ZBTB10: variants seen among roughly 807,000 people sequenced by gnomAD.
ZBTB10 encodes zinc finger and BTB domain-containing protein 10.
In ZBTB10, 32 loss-of-function variants were observed where a neutral mutation model predicts 76.4. The observed-to-expected ratio is 0.42, with a 90% CI of 0.32 to 0.56. The LOEUF (loss-of-function observed/expected upper bound fraction) is 0.56, where lower values mean the gene tolerates loss of function less well. Among genes scored for constraint, ZBTB10 ranks in the 20% least tolerant of loss-of-function variants. The probability of loss-of-function intolerance (pLI) is 0.14; values close to 1 mark genes in which losing one functional copy is unlikely to be tolerated. For synonymous variants in ZBTB10, 523 were observed against 432.9 expected, an observed-to-expected ratio of 1.21 and a Z score of -2.58; for missense variants, 1,057 against 1,098.5, an observed-to-expected ratio of 0.96 and a Z score of 0.53.
Position 80,500,238 on chromosome 8 carries a change from A to G in ZBTB10, c.1717A>G (p.Lys573Glu). ...CTCCCAGGGAATTCAAGAGACTGGC[A>G]AAACAAGGAGGAAAAACCAAACTAC... Reference protein sequence around the residue: ...MGSQGIQETGKTRRKNQTTKR... With the variant: ...MGSQGIQETGETRRKNQTTKR... The change falls in exon 2 of 6, where the codon AAA (lysine) becomes GAA (glutamate). Residue 573 changes from lysine (K) to glutamate (E), a missense_variant. Around this residue, in one of 5 missense-constraint regions of ZBTB10, gnomAD observed 306 missense variants for 297.5 expected, o/e 1.03. Coordinates refer to ENST00000455036, the MANE Select transcript of ZBTB10 (RefSeq NM_001105539.3). The G allele has an allele frequency of 6.3e-7, 1 of 1,593,254 alleles. No homozygotes were observed. Among genetic ancestry groups the G allele is most frequent in the Non-Finnish European group, 8.6e-7 (1 of 1,168,992 alleles).
At chr8:80,499,204 T>C (rs1034707999) in intron 1 of ZBTB10, among the ~76,000 whole-genome samples, 2 of 152,170 alleles carry the variant, frequency 1.3e-5, no homozygotes, top group African/African-American at 4.8e-5. Flanking sequence ...TTAATTTTAA[T>C]TTTAAGAAAT....
chr8:80,490,921 G>A (rs550474798), intron 1 of ZBTB10, among the ~76,000 whole-genome samples: 4 of 152,326 alleles, frequency 2.6e-5, no homozygotes, highest in South Asian at 2.1e-4. Flanking sequence ...TGGTGATAGC[G>A]TAAAGTTGTA....
intron 2 of ZBTB10, among the ~76,000 whole-genome samples, chr8:80,506,146 T>G (rs1816046178): frequency 6.6e-6 from 1 of 152,012 alleles, no homozygotes; most frequent in Non-Finnish European, 1.5e-5. Context: ...CTTGAGTGTA[T>G]CCCAGACAGC....
intron 2 of ZBTB10, among the ~76,000 whole-genome samples, chr8:80,512,252 C>G (rs181193405): frequency 2.4e-4 from 37 of 152,324 alleles, no homozygotes; most frequent in African/African-American, 8.4e-4. Flanking sequence ...GGCTTTAGCT[C>G]TCTCTATGTA....
rs1380329277 is a variant in ZBTB10, at chr8:80,486,922, T to C, written c.112T>C (p.Trp38Arg). 1 of 1,507,484 alleles carries C rather than the reference T, an allele frequency of 6.6e-7. No individual in the cohort carries two copies. Among genetic ancestry groups the C allele is most frequent in the Non-Finnish European group, 8.8e-7 (1 of 1,132,192 alleles). The allele number at this position is 1,507,484 out of a possible 1,614,324, so 93.4% of individuals were successfully genotyped here. Residue 38 changes from tryptophan (W) to arginine (R), a missense_variant, in exon 1 of 6, where the codon TGG (tryptophan) becomes CGG (arginine). By Grantham distance (101) the Trp-to-Arg change is moderately radical (BLOSUM62 -3). Coordinates refer to ENST00000455036, the MANE Select transcript of ZBTB10 (RefSeq NM_001105539.3). ...TAACGCTGGCGGGGAGGCCTCAGCT[T>C]GGCCTCCGCAGCCCCAGCCGAGACA... Reference protein sequence around the residue: ...NNNAGGEASAWPPQPQPRQPP... With the variant: ...NNNAGGEASARPPQPQPRQPP...
chr8:80,487,432 A>C lies in ZBTB10; in HGVS notation c.622A>C (p.Arg208=). The C allele has an allele frequency of 1.9e-6, 3 of 1,544,546 alleles. No homozygotes were observed. ...GAEGGSCSSS[R]RSGGDGGDEV... ...GGAAGGCGGCAGCTGCAGCAGCAGCAGGCGGTCGGGCGGCGATGGCGGGGA... is the reference window on the plus strand; with the variant it reads ...GGAAGGCGGCAGCTGCAGCAGCAGCCGGCGGTCGGGCGGCGATGGCGGGGA... The change falls in exon 1 of 6, where the codon AGG becomes CGG. Residue 208 remains arginine (R), a synonymous_variant. Coordinates refer to ENST00000455036, the MANE Select transcript of ZBTB10 (RefSeq NM_001105539.3).
chr8:80,493,104 C>G lies in ZBTB10; in HGVS notation c.972+5322C>G, dbSNP rs549925072. On this transcript the variant is annotated intron_variant, in intron 1 of 5. Coordinates refer to ENST00000455036, the MANE Select transcript of ZBTB10 (RefSeq NM_001105539.3). ...TGGCAGGTGCCTGTAATCCCAGCTA[C>G]TTGGGAGGCTGAGGCAGGAGAATCA... is the stretch of plus-strand genomic sequence containing the variant. Among the ~76,000 whole-genome samples the G allele has an allele frequency of 8.6e-5, 13 of 151,528 alleles. No homozygotes were observed. The East Asian group carries it at 2.6e-3, about 30-fold the overall frequency.
chr8:80,492,517 C>T (rs887248412), intron 1 of ZBTB10, among the ~76,000 whole-genome samples: 1 of 151,478 alleles, frequency 6.6e-6, no homozygotes, highest in African/African-American at 2.4e-5. Context: ...TCTCACTTGT[C>T]ACCCAGGCTG....
chr8:80,525,681 T>C lies in ZBTB10; in HGVS notation c.*6153T>C, dbSNP rs1816547568. The C allele has an allele frequency of 6.6e-6, 1 of 152,190 alleles. No individual in the cohort carries two copies. The highest frequency in any genetic ancestry group is 2.1e-4 in the South Asian group (1 of 4,822). The allele number at this position is 152,190 out of a possible 1,614,324, so 9.4% of individuals were successfully genotyped here. On this transcript the variant is annotated 3_prime_UTR_variant, in exon 6 of 6. Transcript: ENST00000455036. ...GGACTCCTGAACTTCAATTTCAGTA[T>C]TATTTTTCTGTACCAAACTCATTCA...
intron 3 of ZBTB10, among the ~76,000 whole-genome samples, chr8:80,517,859 C>T (rs1441348655): frequency 2.1e-5 from 3 of 145,218 alleles, no homozygotes; most frequent in Admixed American, 6.8e-5. Flanking sequence ...GTTTTTTTCT[C>T]CCGCCCGCCA....
chr8:80,488,036 T>G (rs1815526428), intron 1 of ZBTB10, among the ~76,000 whole-genome samples: 3 of 112,208 alleles, frequency 2.7e-5, no homozygotes, highest in African/African-American at 2.3e-4. Context: ...GGATTTTCTT[T>G]TTTATGACTC....
At chr8:80,516,300 T>C (rs1816324247) in intron 3 of ZBTB10, among the ~76,000 whole-genome samples, 1 of 152,234 alleles carries the variant, frequency 6.6e-6, no homozygotes, top group Non-Finnish European at 1.5e-5. Context: ...GGTACTAGTT[T>C]TCCAAGTATT....
intron 1 of ZBTB10, among the ~76,000 whole-genome samples, chr8:80,497,517 C>T (rs1332821224): frequency 6.6e-6 from 1 of 151,488 alleles, no homozygotes; most frequent in East Asian, 1.9e-4. Flanking sequence ...GGGCTTTATG[C>T]ACTTGGCACA....
intron 5 of ZBTB10, 79 bp from the exon 6 acceptor site, chr8:80,519,144 T>C (rs1157598145): frequency 6.9e-7 from 1 of 1,458,828 alleles, no homozygotes; most frequent in Non-Finnish European, 9.2e-7. Context: ...CTATTAAATG[T>C]GTGGTTTAAT....
intron 1 of ZBTB10, among the ~76,000 whole-genome samples, chr8:80,488,496 A>ATTTT (rs1815541876): frequency 6.6e-6 from 1 of 152,182 alleles, no homozygotes; most frequent in East Asian, 1.9e-4. Flanking sequence ...TTTCAGAAAG[A>ATTTT]TTTTTAAATG....
upstream of ZBTB10, chr8:80,486,069 G>C: frequency 9.4e-7 from 1 of 1,067,824 alleles, no homozygotes; most frequent in South Asian, 1.8e-5. Context: ...CCCCAGGCCG[G>C]AGGCGCAGCC....
At chr8:80,506,684 T>A (rs1453952539) in intron 2 of ZBTB10, among the ~76,000 whole-genome samples, 1 of 152,072 alleles carries the variant, frequency 6.6e-6, no homozygotes. Flanking sequence ...AATATTCATG[T>A]TTTCATTATA....
intron 2 of ZBTB10, among the ~76,000 whole-genome samples, chr8:80,505,367 T>C (rs1226945383): frequency 6.6e-6 from 1 of 152,240 alleles, no homozygotes; most frequent in Non-Finnish European, 1.5e-5. Context: ...AGATGTTTTC[T>C]AGTAAATGCA....
chr8:80,522,619 AAC>A lies in ZBTB10; in HGVS notation c.*3096_*3097del, dbSNP rs1318368161. 4.6e-5 allele frequency: 7 copies of A among 151,948 alleles called. No individual in the cohort carries two copies. The highest frequency in any genetic ancestry group is 1.7e-4 in the African/African-American group (7 of 41,440). The allele number at this position is 151,948 out of a possible 1,614,324, so 9.4% of individuals were successfully genotyped here. A position where few individuals can be genotyped will look rare whatever the true frequency, so the allele number is the denominator to read the frequency against. On this transcript the variant is annotated 3_prime_UTR_variant, in exon 6 of 6. Transcript: ENST00000455036. ...AATGAGTAGCTTTGAAATTGGGGAA[AAC>A]ACACTAGCTGGGTTAGGTACAGCTA... is the stretch of plus-strand genomic sequence containing the variant.
Sources: allele counts gnomAD v4.1 joint callset (sites outside exome capture counted in the v4.1 genomes callset), GRCh38; gene constraint gnomAD v4.1.1; regional missense constraint gnomAD v4.1.1; transcripts MANE v1.5; gene names NCBI Gene and HGNC (gene_info 2026-07-23, HGNC 2026-07-21).